NALF1: variants seen among roughly 807,000 people sequenced by gnomAD.
NALF1 encodes the protein NALCN channel auxiliary factor 1, also known as family with sequence similarity 155 member A.
Under a neutral mutation model 48.4 loss-of-function variants are expected in NALF1, and 3 were observed. That is an observed-to-expected ratio of 0.06 (90% CI 0.03 to 0.16). The LOEUF (loss-of-function observed/expected upper bound fraction) is 0.16, where lower values mean the gene tolerates loss of function less well. NALF1 is among the 10% of genes least tolerant of loss of function. The pLI is 1.00. For synonymous variants in NALF1, 262 were observed against 245.7 expected (o/e 1.07, Z -0.62); for missense variants, 526 against 571.5 (o/e 0.92, Z 0.81).
intron 1 of NALF1, among the ~76,000 whole-genome samples, chr13:107,623,459 AT>A (rs141449063): frequency 0.24 from 35,852 of 151,194 alleles, 4,771 homozygotes; most frequent in East Asian, 0.47. Flanking sequence ...AAAAAAAAAA[AT>A]ATTACTCCCC....
At chr13:107,840,336 A>C (rs1880009816) in intron 1 of NALF1, among the ~76,000 whole-genome samples, 1 of 152,214 alleles carries the variant, frequency 6.6e-6, no homozygotes, top group Non-Finnish European at 1.5e-5. Context: ...GCAAGCAAAC[A>C]GTTTATTTCT....
At position 107,719,635 on chromosome 13, in the gene NALF1, C is replaced by G. The variant is rs1449018699; in HGVS notation, c.915+146047G>C. 2.6e-5 allele frequency among the ~76,000 whole-genome samples: 4 copies of G among 152,110 alleles called. 1 individual carries two copies. Among genetic ancestry groups the G allele is most frequent in the Non-Finnish European group, 4.4e-5 (3 of 68,028 alleles). ...TGAAACCACGGCTCTTCTCTCACTT[C>G]CAACTATTAATCACTGTGCCTGTCC... On this transcript the variant is annotated intron_variant, in intron 1 of 2. Transcript: ENST00000375915.
intron 1 of NALF1, among the ~76,000 whole-genome samples, chr13:107,511,728 G>GA (rs149092397): frequency 0.013 from 1,987 of 151,986 alleles, 23 homozygotes; most frequent in Middle Eastern, 0.037. Flanking sequence ...TTGTATAATA[G>GA]AAAAAATAAC....
intron 1 of NALF1, among the ~76,000 whole-genome samples, chr13:107,700,997 G>A (rs1881804683): frequency 6.6e-6 from 1 of 152,150 alleles, no homozygotes; most frequent in Admixed American, 6.6e-5. Flanking sequence ...AAGTTGGTGA[G>A]TGTACAGAGA....
chr13:107,672,098 G>A (rs1290692561), intron 1 of NALF1, among the ~76,000 whole-genome samples: 1 of 152,078 alleles, frequency 6.6e-6, no homozygotes, highest in Non-Finnish European at 1.5e-5. Context: ...TGTTTTCCTG[G>A]ACACTCCGGG....
intron 1 of NALF1, among the ~76,000 whole-genome samples, chr13:107,633,305 A>G: frequency 6.6e-6 from 1 of 152,104 alleles, no homozygotes; most frequent in African/African-American, 2.4e-5. Context: ...AAATTGTGTC[A>G]GAGTACTCAA....
intron 1 of NALF1, among the ~76,000 whole-genome samples, chr13:107,363,757 T>C (rs944274095): frequency 2.6e-5 from 4 of 152,330 alleles, no homozygotes; most frequent in African/African-American, 9.6e-5. Context: ...AAAGTTTTCT[T>C]GGATCAGAAT....
chr13:107,451,258 T>A (rs1199734349), intron 1 of NALF1, among the ~76,000 whole-genome samples: 1 of 152,146 alleles, frequency 6.6e-6, no homozygotes, highest in Non-Finnish European at 1.5e-5. Context: ...GTAAGATTCA[T>A]AACTGTGGAG....
intron 1 of NALF1, among the ~76,000 whole-genome samples, chr13:107,505,705 G>C (rs1003487098): frequency 6.6e-6 from 1 of 152,154 alleles, no homozygotes; most frequent in Non-Finnish European, 1.5e-5. Context: ...TGCCTCTTAC[G>C]TAAATAAACA....
chr13:107,624,790 C>A (rs1251319107), intron 1 of NALF1, among the ~76,000 whole-genome samples: 1 of 152,286 alleles, frequency 6.6e-6, no homozygotes, highest in Middle Eastern at 3.4e-3. Flanking sequence ...GCTTTCTCAG[C>A]AAGGAATAAT....
chr13:107,760,629 C>T, intron 1 of NALF1, among the ~76,000 whole-genome samples: 1 of 152,180 alleles, frequency 6.6e-6, no homozygotes, highest in East Asian at 1.9e-4. Context: ...TGATTTCTCT[C>T]AAGATCGGTT....
At chr13:107,835,205 G>A (rs962571386) in intron 1 of NALF1, among the ~76,000 whole-genome samples, 3 of 152,190 alleles carry the variant, frequency 2.0e-5, no homozygotes, top group African/African-American at 7.2e-5. Context: ...CAGGAGCCTA[G>A]AAGAGCATGG....
chr13:107,625,864 C>G (rs1037196486), intron 1 of NALF1, among the ~76,000 whole-genome samples: 1 of 151,968 alleles, frequency 6.6e-6, no homozygotes, highest in Non-Finnish European at 1.5e-5. Context: ...ACAGGTTGTT[C>G]GGGCAATGTA....
intron 1 of NALF1, among the ~76,000 whole-genome samples, chr13:107,409,674 G>A (rs1394562124): frequency 2.0e-5 from 3 of 152,162 alleles, no homozygotes; most frequent in African/African-American, 7.2e-5. Flanking sequence ...CAATCACAAT[G>A]ACCAATCAAA....
chr13:107,270,200 T>C (rs74707318), intron 1 of NALF1, among the ~76,000 whole-genome samples: 15,010 of 152,150 alleles, frequency 0.099, 1,517 homozygotes, highest in African/African-American at 0.26. Flanking sequence ...TTTCAGAATA[T>C]TGAAAATTTA....
Position 107,167,939 on chromosome 13 carries a change from CCT to C in NALF1, c.*2556_*2557del, listed in dbSNP as rs1447841415. ...TCAAAATATATTGAGAAAATGAAAA[CCT>C]ATATTTTAAGGAATACTGCTTTTCG... On this transcript the variant is annotated 3_prime_UTR_variant, in exon 3 of 3. Coordinates refer to ENST00000375915, the MANE Select transcript of NALF1 (RefSeq NM_001080396.3). The C allele has an allele frequency of 2.0e-5, 3 of 152,060 alleles. No homozygotes were observed. Among genetic ancestry groups the C allele is most frequent in the African/African-American group, 7.2e-5 (3 of 41,386 alleles). 9.4% of individuals were successfully genotyped at this position (152,060 alleles called of 1,614,324 possible).
At chr13:107,509,801 T>TATC (rs1319737896) in intron 1 of NALF1, among the ~76,000 whole-genome samples, 26 of 151,884 alleles carry the variant, frequency 1.7e-4, no homozygotes, top group African/African-American at 6.3e-4. Context: ...TAACTACAAT[T>TATC]ATTATTATTA....
intron 1 of NALF1, among the ~76,000 whole-genome samples, chr13:107,805,983 A>T (rs887725972): frequency 2.6e-5 from 4 of 152,222 alleles, no homozygotes; most frequent in African/African-American, 9.6e-5. Flanking sequence ...TCTTACTGTC[A>T]TTCATAGTTC....
intron 1 of NALF1, among the ~76,000 whole-genome samples, chr13:107,270,933 C>T (rs907498040): frequency 2.0e-5 from 3 of 150,982 alleles, no homozygotes; most frequent in South Asian, 2.1e-4. Flanking sequence ...TTTGTCCTTG[C>T]GATAGTTTGC....
Sources: allele counts gnomAD v4.1 joint callset (sites outside exome capture counted in the v4.1 genomes callset), GRCh38; gene constraint gnomAD v4.1.1; transcripts MANE v1.5; gene names NCBI Gene and HGNC (gene_info 2026-07-23, HGNC 2026-07-21).